The following PTPRS variants were observed in gnomAD, a reference collection of about 807,000 sequenced individuals.
The protein encoded by PTPRS is protein tyrosine phosphatase receptor type S, also known as receptor-type tyrosine-protein phosphatase S.
PTPRS carries 63 observed loss-of-function variants against 215.3 expected under a neutral mutation model. That is an observed-to-expected ratio of 0.29 (90% CI 0.24 to 0.36). PTPRS has a LOEUF of 0.36. Ranked by LOEUF, PTPRS falls within the 10% of genes least tolerant of loss-of-function variation. The pLI, the probability that PTPRS is intolerant of heterozygous loss-of-function variation, is 1.00. For synonymous variants in PTPRS, 1,404 were observed against 1,191.4 expected, an observed-to-expected ratio of 1.18 and a Z score of -3.68; for missense variants, 2,258 against 2,825.8, an observed-to-expected ratio of 0.80 and a Z score of 4.56.
chr19:5,315,868 C>T (rs374650604), intron 1 of PTPRS, among the ~76,000 whole-genome samples: 1 of 151,996 alleles, frequency 6.6e-6, no homozygotes, highest in African/African-American at 2.4e-5. Flanking sequence ...TGGCCCCAAG[C>T]GATCCTCCCA....
rs1276291450 is a variant in PTPRS at position 5,268,953 on chromosome 19, C to T, written c.380-3757G>A. ...AGGCAGTTCAGGCCTCTTGTCCATC[C>T]TTCCTGGGCCAGGGACCTGGACGAC... On this transcript the variant is annotated intron_variant, in intron 4 of 37. Transcript: ENST00000262963. Among the ~76,000 whole-genome samples the T allele has an allele frequency of 2.0e-5, 3 of 152,206 alleles. No individual in the cohort carries two copies. In the East Asian group the frequency reaches 5.8e-4, roughly 29 times the overall value.
At chr19:5,235,887 C>T (rs549211116) in intron 13 of PTPRS, among the ~76,000 whole-genome samples, 4 of 152,298 alleles carry the variant, frequency 2.6e-5, no homozygotes, top group African/African-American at 7.2e-5. Context: ...CTATGTGTTG[C>T]GTGCCTACTA....
At chr19:5,229,423 T>C in intron 15 of PTPRS, 68 bp downstream of exon 15, 1 of 1,358,458 alleles carries the variant, frequency 7.4e-7, no homozygotes, top group South Asian at 1.9e-5. Flanking sequence ...GAAGCAGAGG[T>C]GGGGGGAGCG....
chr19:5,320,333 C>T (rs1217172746), intron 1 of PTPRS, among the ~76,000 whole-genome samples: 1 of 152,266 alleles, frequency 6.6e-6, no homozygotes, highest in Non-Finnish European at 1.5e-5. Flanking sequence ...TGAAGCCAAA[C>T]ACACAGGCTG....
intron 1 of PTPRS, among the ~76,000 whole-genome samples, chr19:5,311,292 A>G (rs79963700): frequency 7.2e-5 from 11 of 152,280 alleles, no homozygotes; most frequent in Non-Finnish European, 1.3e-4. Flanking sequence ...TTATAGGCTG[A>G]GCCACTGCGC....
At chr19:5,283,953 G>A (rs760060852) in intron 2 of PTPRS, among the ~76,000 whole-genome samples, 1 of 151,882 alleles carries the variant, frequency 6.6e-6, no homozygotes, top group Non-Finnish European at 1.5e-5. Context: ...TGGGACTCAC[G>A]CCTGTAATCC....
At chr19:5,320,248 C>T (rs1027182000) in intron 1 of PTPRS, among the ~76,000 whole-genome samples, 1 of 152,202 alleles carries the variant, frequency 6.6e-6, no homozygotes. Context: ...GCAGCCAGTG[C>T]CCGTGGCCTT....
At chr19:5,240,103 C>T in intron 12 of PTPRS, 96 bp downstream of exon 12, 3 of 1,348,696 alleles carry the variant, frequency 2.2e-6, no homozygotes, top group Non-Finnish European at 2.9e-6. Context: ...CCGCAGCACA[C>T]ATAGGGACAA....
intron 1 of PTPRS, among the ~76,000 whole-genome samples, chr19:5,286,547 A>G (rs1223014285): frequency 1.3e-5 from 2 of 152,158 alleles, no homozygotes; most frequent in African/African-American, 4.8e-5. Context: ...AGTGTCATAA[A>G]GGATCTCCCA....
chr19:5,295,438 C>A lies in PTPRS; in HGVS notation c.-94-9204G>T, dbSNP rs1463603528. Among the ~76,000 whole-genome samples, 1 of 152,190 alleles carries A rather than the reference C, an allele frequency of 6.6e-6. No individual in the cohort carries two copies. Among genetic ancestry groups the A allele is most frequent in the South Asian group, 2.1e-4 (1 of 4,828 alleles). On this transcript the variant is annotated intron_variant, in intron 1 of 37. Coordinates refer to ENST00000262963, the MANE Select transcript of PTPRS (RefSeq NM_002850.4). This position sits in a 1 kb window ranked among gnomAD's most constrained non-coding sequence, Gnocchi z 4.6. Reference sequence around the variant, plus strand: ...CAGTTGGCAGGGGACACAGCCACCCCCGAGGGGCTGGGGGAGGTGGGCCAG... The same window carrying A: ...CAGTTGGCAGGGGACACAGCCACCCACGAGGGGCTGGGGGAGGTGGGCCAG...
chr19:5,306,540 G>A (rs2049500157), intron 1 of PTPRS, among the ~76,000 whole-genome samples: 1 of 152,108 alleles, frequency 6.6e-6, no homozygotes, highest in Non-Finnish European at 1.5e-5. Flanking sequence ...CGCAGCCCAG[G>A]CCTCTTCTCG....
At chr19:5,241,799 AGGGAG>A (rs2044061257) in intron 11 of PTPRS, among the ~76,000 whole-genome samples, 2 of 152,150 alleles carry the variant, frequency 1.3e-5, no homozygotes, top group Non-Finnish European at 2.9e-5. Flanking sequence ...CCACCTGAGC[AGGGAG>A]GGAGACTGGC....
intron 13 of PTPRS, among the ~76,000 whole-genome samples, chr19:5,236,359 C>T (rs369861209): frequency 9.2e-5 from 14 of 152,348 alleles, no homozygotes; most frequent in Admixed American, 5.9e-4. Context: ...AGGATTGGAA[C>T]CCAGACTTGG....
At chr19:5,335,303 C>T (rs1328350896) in intron 1 of PTPRS, among the ~76,000 whole-genome samples, 4 of 152,140 alleles carry the variant, frequency 2.6e-5, no homozygotes, top group South Asian at 4.1e-4. Context: ...CAAGGCTCGC[C>T]GCGACGCAGA....
chr19:5,311,475 C>A (rs138857947), intron 1 of PTPRS, among the ~76,000 whole-genome samples: 222 of 152,254 alleles, frequency 1.5e-3, no homozygotes, highest in African/African-American at 5.1e-3. Context: ...CCAGCAGGGT[C>A]CTGGGCCCAG....
Position 5,294,367 on chromosome 19 carries a change from G to C in PTPRS, c.-94-8133C>G, listed in dbSNP as rs1385353696. The stretch of plus-strand genomic sequence containing the variant: ...GAACCAGGGTTTGGGTCCAGAGGAG[G>C]AGCTCTCACCACAGCGCTGCTGGAG... On this transcript the variant is annotated intron_variant, in intron 1 of 37. Transcript: ENST00000262963. This position sits in a 1 kb window ranked among gnomAD's most constrained non-coding sequence, Gnocchi z 5.1. The C allele has an allele frequency of 2.0e-5, 3 of 152,464 alleles. No homozygotes were observed. The highest frequency in any genetic ancestry group is 7.2e-5 in the African/African-American group (3 of 41,474). The allele number at this position is 152,464 out of a possible 1,614,324, so 9.4% of individuals were successfully genotyped here.
intron 26 of PTPRS, among the ~76,000 whole-genome samples, chr19:5,215,964 C>G (rs2041403008): frequency 6.6e-6 from 1 of 152,142 alleles, no homozygotes; most frequent in Admixed American, 6.5e-5. Flanking sequence ...AGCCAAGAAG[C>G]AAGTGTGTGG....
intron 4 of PTPRS, among the ~76,000 whole-genome samples, chr19:5,271,452 C>T (rs549085474): frequency 5.4e-5 from 8 of 148,298 alleles, no homozygotes; most frequent in East Asian, 2.0e-4. Context: ...GACTGGAGTG[C>T]GATGGCGTGA....
intron 13 of PTPRS, 120 bp from the exon 14 acceptor site, chr19:5,231,735 C>T (rs1238701158): frequency 3.8e-6 from 2 of 525,842 alleles, no homozygotes; most frequent in Admixed American, 3.3e-5. Flanking sequence ...ACAAACAAAA[C>T]AGAACCAAAC....
Sources: allele counts gnomAD v4.1 joint callset (sites outside exome capture counted in the v4.1 genomes callset), GRCh38; gene constraint gnomAD v4.1.1; non-coding constraint Gnocchi (gnomAD v3.1); transcripts MANE v1.5; gene names NCBI Gene and HGNC (gene_info 2026-07-23, HGNC 2026-07-21).